Variants in DMD observed in about 807,000 individuals in gnomAD.
The protein encoded by DMD is dystrophin.
DMD carries 63 observed loss-of-function variants against 330.1 expected under a neutral mutation model. The observed-to-expected ratio is 0.19, with a 90% CI of 0.16 to 0.24. The LOEUF (loss-of-function observed/expected upper bound fraction) is 0.24, where lower values mean the gene tolerates loss of function less well. Ranked by LOEUF, DMD falls within the 10% of genes least tolerant of loss-of-function variation. The pLI is 1.00. For missense variants in DMD, 3,344 were observed against 2,684.1 expected, an observed-to-expected ratio of 1.25 and a Z score of -5.43; for synonymous variants, 1,223 against 959.8, an observed-to-expected ratio of 1.27 and a Z score of -5.07.
At chrX:31,509,544 A>G (rs5972393) in intron 55 of DMD, among the ~76,000 whole-genome samples, 2 of 112,021 alleles carry the variant, frequency 1.8e-5, no homozygotes, top group Non-Finnish European at 3.8e-5. Flanking sequence ...ATTAACATAC[A>G]TATAAAGGAT....
chrX:32,252,328 A>T (rs140504320), intron 43 of DMD, among the ~76,000 whole-genome samples: 2,388 of 109,614 alleles, frequency 0.022, 72 homozygotes, highest in African/African-American at 0.074. Flanking sequence ...TTTTTGTTAG[A>T]ATATCTCATA....
At chrX:32,853,769 G>GAAAAAAAAAAAAAAAAAAAAAAAAAAAA (rs1162458210) in intron 2 of DMD, among the ~76,000 whole-genome samples, 5 of 56,080 alleles carry the variant, frequency 8.9e-5, no homozygotes, top group African/African-American at 1.5e-4. Context: ...CACAGTGACA[G>GAAAAAAAAAAAAAAAAAAAAAAAAAAAA]AAAAAAAAAA....
chrX:31,333,934 CTTT>C (rs374127684), intron 61 of DMD, among the ~76,000 whole-genome samples: 1 of 102,950 alleles, frequency 9.7e-6, no homozygotes, highest in Non-Finnish European at 2.0e-5. Context: ...AGATATTCAT[CTTT>C]TTTTTTTTTT....
intron 51 of DMD, among the ~76,000 whole-genome samples, chrX:31,731,040 A>G (rs2086466500): frequency 8.9e-6 from 1 of 111,884 alleles, no homozygotes; most frequent in South Asian, 3.6e-4. Context: ...TTTAAACTCA[A>G]TTGCTTTTGG....
intron 52 of DMD, among the ~76,000 whole-genome samples, chrX:31,689,382 G>A (rs1380987231): frequency 9.0e-6 from 1 of 111,525 alleles, no homozygotes; most frequent in Non-Finnish European, 1.9e-5. Flanking sequence ...GCTTCAAAGA[G>A]AATAAAATAC....
intron 44 of DMD, among the ~76,000 whole-genome samples, chrX:32,010,936 G>T (rs920015834): frequency 4.5e-5 from 5 of 111,886 alleles, no homozygotes; most frequent in Non-Finnish European, 3.8e-5. Flanking sequence ...ACCCCAATCT[G>T]GTTTTGTACA....
At chrX:33,196,009 G>A (rs925339970) in intron 1 of DMD, among the ~76,000 whole-genome samples, 1 of 111,306 alleles carries the variant, frequency 9.0e-6, no homozygotes, top group African/African-American at 3.3e-5. Flanking sequence ...TAAAATAGGG[G>A]ATATAATTGC....
intron 13 of DMD, among the ~76,000 whole-genome samples, chrX:32,591,592 T>C (rs1305251261): frequency 1.8e-5 from 2 of 112,467 alleles, no homozygotes; most frequent in Non-Finnish European, 3.8e-5. Flanking sequence ...ATCTCACTTA[T>C]GATGGCAGCA....
At chrX:32,595,724 A>C (rs771386026) in intron 13 of DMD, 33 bp downstream of exon 13, 1 of 1,195,482 alleles carries the variant, frequency 8.4e-7, no homozygotes. Context: ...CTTTTAAAGG[A>C]CATATTTAGT....
chrX:32,259,486 C>A (rs1341021946), intron 43 of DMD, among the ~76,000 whole-genome samples: 1 of 110,788 alleles, frequency 9.0e-6, no homozygotes, highest in Non-Finnish European at 1.9e-5. Context: ...TATAAAAATT[C>A]ACTTAAACAT....
intron 60 of DMD, among the ~76,000 whole-genome samples, chrX:31,377,178 G>A (rs974986865): frequency 9.0e-6 from 1 of 111,533 alleles, no homozygotes; most frequent in Non-Finnish European, 1.9e-5. Flanking sequence ...GGGAGGTGGC[G>A]GGGGGAATTG....
intron 67 of DMD, among the ~76,000 whole-genome samples, chrX:31,185,403 A>C (rs1010496667): frequency 6.3e-5 from 7 of 111,629 alleles, no homozygotes; most frequent in African/African-American, 2.3e-4. Context: ...ACATCTTTTT[A>C]AAACATCCTT....
At chrX:33,056,348 T>TC (rs2094517720) in intron 1 of DMD, among the ~76,000 whole-genome samples, 1 of 109,114 alleles carries the variant, frequency 9.2e-6, no homozygotes. Flanking sequence ...CTTTTTTTTT[T>TC]CTTTTTCTTT....
At chrX:32,317,353 A>G (rs1462717016) in intron 41 of DMD, among the ~76,000 whole-genome samples, 1 of 111,652 alleles carries the variant, frequency 9.0e-6, no homozygotes, top group Admixed American at 9.6e-5. Flanking sequence ...ATAGAACACA[A>G]TTATGATTTG....
chrX:32,398,954 T>C (rs1208432094), intron 30 of DMD, among the ~76,000 whole-genome samples: 2 of 111,760 alleles, frequency 1.8e-5, no homozygotes, highest in Non-Finnish European at 3.8e-5. Context: ...TACAGGGACC[T>C]AATTTTTGAC....
chrX:32,885,987 T>G (rs1275259689), intron 2 of DMD, among the ~76,000 whole-genome samples: 2 of 110,889 alleles, frequency 1.8e-5, no homozygotes, highest in East Asian at 5.7e-4. Context: ...TGAATACAAT[T>G]CAGTGGAAAC....
intron 44 of DMD, among the ~76,000 whole-genome samples, chrX:32,077,795 C>G (rs768163568): frequency 4.5e-5 from 5 of 111,667 alleles, no homozygotes; most frequent in African/African-American, 1.6e-4. Context: ...ATCCAATAGT[C>G]ACTTATCTTT....
At chrX:32,434,514 T>A (rs1184593574) in intron 29 of DMD, among the ~76,000 whole-genome samples, 2 of 112,487 alleles carry the variant, frequency 1.8e-5, no homozygotes, top group African/African-American at 6.5e-5. Context: ...AAATTCAGAA[T>A]TCTTGATTAT....
intron 1 of DMD, among the ~76,000 whole-genome samples, chrX:33,043,836 C>A (rs1210477621): frequency 7.5e-5 from 7 of 93,498 alleles, no homozygotes; most frequent in Non-Finnish European, 1.5e-4. Flanking sequence ...CCTCCCCCCT[C>A]CCCCCACCCC....
Sources: allele counts gnomAD v4.1 joint callset (sites outside exome capture counted in the v4.1 genomes callset), GRCh38; gene constraint gnomAD v4.1.1; transcripts MANE v1.5; gene names NCBI Gene and HGNC (gene_info 2026-07-23, HGNC 2026-07-21).